The following MARK1 variants were observed in gnomAD, a reference collection of about 807,000 sequenced individuals.
The protein encoded by MARK1 is serine/threonine-protein kinase MARK1.
Under a neutral mutation model 96.3 loss-of-function variants are expected in MARK1, and 40 were observed. The observed-to-expected ratio is 0.42, with a 90% CI of 0.32 to 0.54. The LOEUF (loss-of-function observed/expected upper bound fraction) is 0.54, where lower values mean the gene tolerates loss of function less well. MARK1 is among the 20% of genes least tolerant of loss of function. The pLI is 0.16. For synonymous variants in MARK1, 317 were observed against 341.2 expected (o/e 0.93, Z 0.78); for missense variants, 719 against 984.6 (o/e 0.73, Z 3.61).
intron 1 of MARK1, among the ~76,000 whole-genome samples, chr1:220,549,298 AGTT>A (rs768317936): frequency 1.3e-5 from 2 of 152,286 alleles, no homozygotes; most frequent in African/African-American, 2.4e-5. Context: ...TACCTTATTC[AGTT>A]GTTGTTTTGT....
intron 1 of MARK1, among the ~76,000 whole-genome samples, chr1:220,538,928 G>A (rs1660921399): frequency 6.7e-6 from 1 of 150,006 alleles, no homozygotes; most frequent in African/African-American, 2.4e-5. Context: ...TGTATCCTGA[G>A]ACTTTGCTGA....
At chr1:220,539,893 T>G (rs190034376) in intron 1 of MARK1, among the ~76,000 whole-genome samples, 1 of 152,220 alleles carries the variant, frequency 6.6e-6, no homozygotes, top group East Asian at 1.9e-4. Context: ...CTTTATAAAA[T>G]GAGTTAAGAA....
intron 10 of MARK1, among the ~76,000 whole-genome samples, 153 bp downstream of exon 10, chr1:220,631,287 A>G (rs909760394): frequency 4.6e-5 from 7 of 152,226 alleles, no homozygotes; most frequent in Non-Finnish European, 1.0e-4. Flanking sequence ...GCTGAAAATT[A>G]TACATTTCAA....
At chr1:220,546,972 CAAAAAAAAA>C (rs56026911) in intron 1 of MARK1, among the ~76,000 whole-genome samples, 1 of 131,098 alleles carries the variant, frequency 7.6e-6, no homozygotes, top group Admixed American at 7.6e-5. Flanking sequence ...ACTCCGTCTC[CAAAAAAAAA>C]AAAAAAGAAA....
chr1:220,596,217 T>A (rs577913096), intron 3 of MARK1, among the ~76,000 whole-genome samples: 2 of 152,032 alleles, frequency 1.3e-5, no homozygotes, highest in Non-Finnish European at 2.9e-5. Flanking sequence ...AGGACCTCCA[T>A]GTTTAAAGGT....
intron 17 of MARK1, among the ~76,000 whole-genome samples, chr1:220,660,599 CTA>C (rs1669423724): frequency 6.6e-6 from 1 of 152,002 alleles, no homozygotes. Flanking sequence ...TATAACATCT[CTA>C]TTTGGATAAT....
chr1:220,634,360 C>T lies in MARK1; in HGVS notation c.1123-1016C>T, dbSNP rs1037762372. On this transcript the variant is annotated intron_variant, in intron 11 of 17. Coordinates refer to ENST00000366917, the MANE Select transcript of MARK1 (RefSeq NM_018650.5). ...TGGTAAGTAGTAAGAGCCTGAACTT[C>T]GGAGCCAGCTTCACTGGATCTAAGC... Among the ~76,000 whole-genome samples the T allele has an allele frequency of 7.2e-5, 11 of 152,250 alleles. No homozygotes were observed. In the Middle Eastern group the frequency reaches 0.01, roughly 141 times the overall value.
chr1:220,562,579 A>C (rs1662748293), intron 1 of MARK1, among the ~76,000 whole-genome samples: 1 of 152,170 alleles, frequency 6.6e-6, no homozygotes, highest in Non-Finnish European at 1.5e-5. Context: ...ATTTCCATTA[A>C]ATGCTCAGTA....
intron 1 of MARK1, among the ~76,000 whole-genome samples, chr1:220,534,150 G>T (rs113626334): frequency 2.0e-5 from 3 of 151,246 alleles, no homozygotes; most frequent in African/African-American, 2.4e-5. Flanking sequence ...ATTTTTTCAC[G>T]TCTTATTTTT....
At chr1:220,637,948 C>G in intron 13 of MARK1, among the ~76,000 whole-genome samples, 1 of 151,716 alleles carries the variant, frequency 6.6e-6, no homozygotes, top group Non-Finnish European at 1.5e-5. Flanking sequence ...GGAGCCTTAC[C>G]TCTTTTGAAT....
chr1:220,641,822 A>C (rs1415001072), intron 13 of MARK1, among the ~76,000 whole-genome samples: 1 of 152,202 alleles, frequency 6.6e-6, no homozygotes, highest in Admixed American at 6.5e-5. Context: ...TGCACTGGGC[A>C]AAGGGACCTC....
At chr1:220,538,155 G>A (rs1380827310) in intron 1 of MARK1, among the ~76,000 whole-genome samples, 5 of 150,814 alleles carry the variant, frequency 3.3e-5, no homozygotes, top group African/African-American at 1.2e-4. Flanking sequence ...CCTTGCCCAT[G>A]CCTATGTCCT....
intron 6 of MARK1, among the ~76,000 whole-genome samples, chr1:220,607,264 A>AT (rs1666139839): frequency 6.6e-6 from 1 of 151,832 alleles, no homozygotes; most frequent in African/African-American, 2.4e-5. Context: ...ATTCCTAGGT[A>AT]TTTTATTCTC....
intron 3 of MARK1, among the ~76,000 whole-genome samples, chr1:220,582,308 T>A (rs1057463916): frequency 3.3e-5 from 5 of 152,222 alleles, no homozygotes; most frequent in African/African-American, 1.2e-4. Context: ...GGGTCTCTTC[T>A]TGGAGAAAGT....
intron 3 of MARK1, among the ~76,000 whole-genome samples, chr1:220,597,697 T>C (rs1665471572): frequency 6.6e-6 from 1 of 152,194 alleles, no homozygotes. Flanking sequence ...ATAGAGAAAA[T>C]AATACCAAAT....
intron 1 of MARK1, among the ~76,000 whole-genome samples, chr1:220,556,891 G>A (rs1316117306): frequency 6.6e-6 from 1 of 152,160 alleles, no homozygotes; most frequent in African/African-American, 2.4e-5. Context: ...GGATATTAAA[G>A]ACTGGTTAAT....
chr1:220,659,902 C>T (rs1172046719), intron 17 of MARK1, among the ~76,000 whole-genome samples: 3 of 152,162 alleles, frequency 2.0e-5, no homozygotes, highest in Non-Finnish European at 2.9e-5. Context: ...GCAATTCTGC[C>T]TCAGCCTCCC....
At chr1:220,548,078 C>T (rs533347896) in intron 1 of MARK1, among the ~76,000 whole-genome samples, 24 of 152,364 alleles carry the variant, frequency 1.6e-4, no homozygotes, top group Admixed American at 4.6e-4. Flanking sequence ...CACATAGCAG[C>T]AACTCATTGG....
intron 1 of MARK1, among the ~76,000 whole-genome samples, chr1:220,536,411 T>C (rs185621602): frequency 1.2e-4 from 19 of 152,116 alleles, no homozygotes; most frequent in Admixed American, 1.1e-3. Context: ...CTTTTTTTTT[T>C]TTCCCACACA....
Sources: gnomAD v4.1 joint callset for allele counts (sites outside exome capture counted in the v4.1 genomes callset) on GRCh38, gnomAD v4.1.1 for gene constraint, MANE v1.5 for transcripts, NCBI Gene and HGNC (gene_info 2026-07-23, HGNC 2026-07-21) for gene names.